ATP9B: variants seen among roughly 807,000 people sequenced by gnomAD.
The protein encoded by ATP9B is ATPase phospholipid transporting 9B, also known as probable phospholipid-transporting ATPase IIB.
Under a neutral mutation model 146.1 loss-of-function variants are expected in ATP9B, and 110 were observed. The observed-to-expected ratio is 0.75, with a 90% CI of 0.65 to 0.88. The LOEUF is 0.88. ATP9B is among the 40% of genes least tolerant of loss of function. ATP9B has a pLI of 0.00. For missense variants in ATP9B, 1,499 were observed against 1,496.4 expected (o/e 1.00, Z -0.03); for synonymous variants, 604 against 569.7 (o/e 1.06, Z -0.86).
intron 12 of ATP9B, among the ~76,000 whole-genome samples, chr18:79,260,882 GC>G (rs150665419): frequency 0.024 from 3,731 of 152,304 alleles, 155 homozygotes; most frequent in African/African-American, 0.084. Context: ...TTTCAAACTT[GC>G]TTGGGATCAG....
At chr18:79,370,857 G>T (rs1392574231) in intron 26 of ATP9B, among the ~76,000 whole-genome samples, 1 of 152,042 alleles carries the variant, frequency 6.6e-6, no homozygotes. Flanking sequence ...AGCAAATCAG[G>T]CCACAGAATA....
At position 79,375,429 on chromosome 18, in the gene ATP9B, A is replaced by G. The variant is rs2097097227; in HGVS notation, c.3307+3A>G. On this transcript the variant is annotated splice_donor_region_variant and intron_variant, in intron 29 of 29. Coordinates refer to ENST00000426216, the MANE Select transcript of ATP9B (RefSeq NM_198531.5). ...AGTGTCTTTTGGAGCTTTCTTAGGT[A>G]GGTAAAGTTATCATTTCTTTCAAAA... is the stretch of plus-strand genomic sequence containing the variant. 5 of 1,612,004 alleles carry G rather than the reference A, an allele frequency of 3.1e-6. No individual in the cohort carries two copies. Among genetic ancestry groups the G allele is most frequent in the Non-Finnish European group, 4.2e-6 (5 of 1,178,308 alleles).
chr18:79,376,417 C>G (rs1335137154), intron 29 of ATP9B: 1 of 973,642 alleles, frequency 1.0e-6, no homozygotes, highest in Non-Finnish European at 1.2e-6. Context: ...GAGACGAAGT[C>G]TCACTCTTGT....
At chr18:79,077,900 C>T (rs1231359212) in intron 1 of ATP9B, 3 of 152,228 alleles carry the variant, frequency 2.0e-5, no homozygotes, top group African/African-American at 4.8e-5. Context: ...GAGTATCTTT[C>T]TATTTCATAG....
intron 19 of ATP9B, among the ~76,000 whole-genome samples, chr18:79,337,714 G>A (rs1403702777): frequency 6.6e-6 from 1 of 152,156 alleles, no homozygotes; most frequent in Non-Finnish European, 1.5e-5. Context: ...GAGGAGTCCT[G>A]GTCCCAGCCC....
At chr18:79,072,030 G>C (rs1163715364) in intron 1 of ATP9B, among the ~76,000 whole-genome samples, 1 of 151,722 alleles carries the variant, frequency 6.6e-6, no homozygotes, top group Non-Finnish European at 1.5e-5. Flanking sequence ...TGTTAAGAAA[G>C]TTGGATCTTA....
chr18:79,184,933 TAGAAA>T (rs1289685892), intron 8 of ATP9B, among the ~76,000 whole-genome samples: 1 of 151,190 alleles, frequency 6.6e-6, no homozygotes, highest in Non-Finnish European at 1.5e-5. Flanking sequence ...CTAAGTGTAG[TAGAAA>T]AGAAAGTACA....
chr18:79,306,770 T>G (rs566251356), intron 14 of ATP9B, among the ~76,000 whole-genome samples: 2 of 152,230 alleles, frequency 1.3e-5, no homozygotes, highest in Admixed American at 6.5e-5. Context: ...AATATTTTGG[T>G]GTATTTGACA....
intron 12 of ATP9B, among the ~76,000 whole-genome samples, chr18:79,263,182 A>G (rs1460506873): frequency 6.6e-6 from 1 of 152,190 alleles, no homozygotes; most frequent in East Asian, 1.9e-4. Context: ...TGCTTTTCCT[A>G]AAGGTTTGCC....
intron 15 of ATP9B, among the ~76,000 whole-genome samples, chr18:79,310,741 G>A (rs1178763230): frequency 6.6e-6 from 1 of 152,186 alleles, no homozygotes; most frequent in African/African-American, 2.4e-5. Context: ...ATACACAGAA[G>A]CAAGTGGTTT....
intron 7 of ATP9B, among the ~76,000 whole-genome samples, chr18:79,169,173 G>A (rs117914514): frequency 0.012 from 1,769 of 152,198 alleles, 13 homozygotes; most frequent in Middle Eastern, 0.044. Context: ...TCTGGAATGG[G>A]ACTTTCCGTA....
intron 10 of ATP9B, among the ~76,000 whole-genome samples, chr18:79,209,280 C>T (rs2095562304): frequency 6.6e-6 from 1 of 152,230 alleles, no homozygotes; most frequent in Non-Finnish European, 1.5e-5. Flanking sequence ...TTACATTTTC[C>T]ATACATAGTT....
At chr18:79,164,676 G>A (rs1366453731) in intron 7 of ATP9B, among the ~76,000 whole-genome samples, 1 of 152,074 alleles carries the variant, frequency 6.6e-6, no homozygotes, top group Non-Finnish European at 1.5e-5. Context: ...CTGAGATCGC[G>A]CCACTGCACT....
chr18:79,272,209 CTG>C (rs2096263134), intron 12 of ATP9B, among the ~76,000 whole-genome samples: 1 of 152,106 alleles, frequency 6.6e-6, no homozygotes, highest in African/African-American at 2.4e-5. Flanking sequence ...GCTGTATTTT[CTG>C]TGTCTTAGGA....
chr18:79,326,682 C>A (rs2096749063), intron 15 of ATP9B, among the ~76,000 whole-genome samples: 1 of 152,268 alleles, frequency 6.6e-6, no homozygotes, highest in African/African-American at 2.4e-5. Flanking sequence ...AGAAAGGAAG[C>A]AGCTCTTCAC....
chr18:79,112,072 A>G (rs780374852), intron 3 of ATP9B, among the ~76,000 whole-genome samples: 2 of 152,230 alleles, frequency 1.3e-5, no homozygotes, highest in Non-Finnish European at 2.9e-5. Context: ...ATGAACATAA[A>G]TATATTGTCA....
chr18:79,190,448 A>G (rs946145076), intron 8 of ATP9B, among the ~76,000 whole-genome samples: 5 of 151,502 alleles, frequency 3.3e-5, no homozygotes, highest in East Asian at 1.9e-4. Context: ...CAGGAGCTCA[A>G]TGTACTTTTT....
At chr18:79,073,277 C>T (rs1450672495) in intron 1 of ATP9B, among the ~76,000 whole-genome samples, 3 of 152,142 alleles carry the variant, frequency 2.0e-5, no homozygotes, top group Non-Finnish European at 2.9e-5. Context: ...CCAAGGCAGG[C>T]GGCTGGGAAG....
chr18:79,075,053 C>G (rs987987617), intron 1 of ATP9B, among the ~76,000 whole-genome samples: 1 of 151,656 alleles, frequency 6.6e-6, no homozygotes, highest in East Asian at 1.9e-4. Context: ...GTTCATCTTC[C>G]CTTGTGACTT....
Sources: allele counts gnomAD v4.1 joint callset (sites outside exome capture counted in the v4.1 genomes callset), GRCh38; gene constraint gnomAD v4.1.1; transcripts MANE v1.5; gene names NCBI Gene and HGNC (gene_info 2026-07-23, HGNC 2026-07-21).